FMN1: variants seen among roughly 807,000 people sequenced by gnomAD.
FMN1 encodes formin 1, also known as formin-1.
FMN1 carries 110 observed loss-of-function variants against 132.4 expected under a neutral mutation model. The observed-to-expected ratio is 0.83, with a 90% CI of 0.71 to 0.97. The LOEUF (loss-of-function observed/expected upper bound fraction) is 0.97, where lower values mean the gene tolerates loss of function less well. Ranked by LOEUF, FMN1 falls within the 50% of genes least tolerant of loss-of-function variation. The pLI is 0.00. For synonymous variants in FMN1, 722 were observed against 651.7 expected, an observed-to-expected ratio of 1.11 and a Z score of -1.64; for missense variants, 1,792 against 1,705.3, an observed-to-expected ratio of 1.05 and a Z score of -0.90.
At chr15:33,026,038 A>C (rs1194066431) in intron 6 of FMN1, among the ~76,000 whole-genome samples, 1 of 152,106 alleles carries the variant, frequency 6.6e-6, no homozygotes, top group Non-Finnish European at 1.5e-5. Context: ...CTCAAAACTT[A>C]CACTGTGACA....
chr15:33,039,991 G>T (rs972907680), intron 6 of FMN1, among the ~76,000 whole-genome samples: 19 of 152,098 alleles, frequency 1.2e-4, no homozygotes, highest in African/African-American at 4.6e-4. Context: ...AAACCTTTCA[G>T]TGGCTCCCCC....
intron 15 of FMN1, among the ~76,000 whole-genome samples, chr15:32,892,515 T>G (rs2141527650): frequency 6.6e-6 from 1 of 152,242 alleles, no homozygotes. Context: ...CGGTCTGTAG[T>G]TTTCGTTTTT....
At chr15:32,917,896 C>T (rs2060723048) in intron 10 of FMN1, among the ~76,000 whole-genome samples, 1 of 152,174 alleles carries the variant, frequency 6.6e-6, no homozygotes, top group Non-Finnish European at 1.5e-5. Context: ...GTGGGAAGCA[C>T]ATACAGCCCA....
At chr15:33,005,028 A>G (rs1485805127) in intron 7 of FMN1, among the ~76,000 whole-genome samples, 3 of 152,088 alleles carry the variant, frequency 2.0e-5, no homozygotes, top group Admixed American at 6.6e-5. Flanking sequence ...ATCACACACC[A>G]GGGACTGTTG....
chr15:33,182,915 T>C (rs1381701640), intron 2 of FMN1, among the ~76,000 whole-genome samples: 1 of 152,230 alleles, frequency 6.6e-6, no homozygotes, highest in Non-Finnish European at 1.5e-5. Flanking sequence ...TTTCATTTAA[T>C]TTCCCCATTG....
At chr15:33,156,391 C>T (rs1261565549) in intron 3 of FMN1, among the ~76,000 whole-genome samples, 1 of 151,236 alleles carries the variant, frequency 6.6e-6, no homozygotes, top group African/African-American at 2.4e-5. Context: ...AGTGATCCTC[C>T]TGCCTCAGCC....
chr15:33,122,444 G>A (rs1009503050), intron 4 of FMN1, among the ~76,000 whole-genome samples: 1 of 152,156 alleles, frequency 6.6e-6, no homozygotes, highest in African/African-American at 2.4e-5. Flanking sequence ...AATTAGTATT[G>A]GCTTTAGACA....
At chr15:33,040,156 C>G (rs961510169) in intron 6 of FMN1, among the ~76,000 whole-genome samples, 1 of 152,210 alleles carries the variant, frequency 6.6e-6, no homozygotes, top group Admixed American at 6.5e-5. Flanking sequence ...ACAAGTGCTA[C>G]TCTGTCTTTG....
intron 17 of FMN1, among the ~76,000 whole-genome samples, chr15:32,826,480 T>C (rs1356529471): frequency 6.6e-6 from 1 of 152,082 alleles, no homozygotes; most frequent in African/African-American, 2.4e-5. Context: ...TGTCATCAGA[T>C]CAAACCAAAG....
At chr15:32,929,985 T>G (rs916951316) in intron 9 of FMN1, among the ~76,000 whole-genome samples, 3 of 91,280 alleles carry the variant, frequency 3.3e-5, no homozygotes, top group Non-Finnish European at 6.8e-5. Context: ...TTTTAAATTT[T>G]TTTTTTTTTT....
chr15:33,108,295 T>C (rs185620771), intron 4 of FMN1, among the ~76,000 whole-genome samples: 51 of 152,182 alleles, frequency 3.4e-4, no homozygotes, highest in African/African-American at 1.2e-3. Flanking sequence ...GGTAAAAGTT[T>C]TGATGGAGGG....
At chr15:33,192,795 C>G (rs1051002909) in intron 2 of FMN1, among the ~76,000 whole-genome samples, 1 of 152,166 alleles carries the variant, frequency 6.6e-6, no homozygotes, top group African/African-American at 2.4e-5. Context: ...TTATTAATAG[C>G]AGTTACTATA....
At chr15:32,876,943 T>A (rs537592457) in intron 16 of FMN1, among the ~76,000 whole-genome samples, 2 of 92,244 alleles carry the variant, frequency 2.2e-5, no homozygotes, top group African/African-American at 7.0e-5. Flanking sequence ...TTTTGGCCAA[T>A]TTTTTTCCAT....
intron 12 of FMN1, among the ~76,000 whole-genome samples, chr15:32,904,974 T>G (rs2060386399): frequency 6.6e-6 from 1 of 152,228 alleles, no homozygotes; most frequent in African/African-American, 2.4e-5. Context: ...TTGGTACTTC[T>G]GAATATTTAT....
rs1220028947 is a variant in FMN1, at chr15:32,949,968, C to CAT, written c.3138+14138_3138+14139insAT. 2.5e-4 allele frequency among the ~76,000 whole-genome samples: 10 copies of CAT among 40,570 alleles called. 1 individual carries two copies. Among genetic ancestry groups the CAT allele is most frequent in the African/African-American group, 1.4e-3 (5 of 3,696 alleles). The allele number at this position is 40,570 out of a possible 152,430, so 26.6% of individuals were successfully genotyped here. ...ATATATATATATATATATATATACA[C>CAT]ACATATATATACACACACATATATA... is the stretch of plus-strand genomic sequence containing the variant. On this transcript the variant is annotated intron_variant, in intron 9 of 20. Coordinates refer to ENST00000616417, the MANE Select transcript of FMN1 (RefSeq NM_001277313.2).
intron 17 of FMN1, among the ~76,000 whole-genome samples, chr15:32,805,317 T>C (rs2057640221): frequency 6.6e-6 from 1 of 152,248 alleles, no homozygotes; most frequent in African/African-American, 2.4e-5. Flanking sequence ...TTTTGAGAAG[T>C]GTCTGTTCAT....
At position 33,117,240 on chromosome 15, in the gene FMN1, TG is replaced by T. The variant is rs2039963234; in HGVS notation, c.1868-28267del. 2.0e-5 allele frequency among the ~76,000 whole-genome samples: 3 copies of T among 152,318 alleles called. No individual in the cohort carries two copies. In the South Asian group the frequency reaches 6.2e-4, roughly 32 times the overall value. ...GAAAACAAATCCAGGGTGCCACTGC[TG>T]GAAGTTATACGCCCTCAGATTCTGG... On this transcript the variant is annotated intron_variant, in intron 4 of 20. Transcript: ENST00000616417.
chr15:33,174,028 A>C (rs931723866), intron 3 of FMN1, among the ~76,000 whole-genome samples: 10 of 152,166 alleles, frequency 6.6e-5, no homozygotes, highest in African/African-American at 2.4e-4. Flanking sequence ...GAAAGAACTA[A>C]GGTTCAATAT....
intron 15 of FMN1, among the ~76,000 whole-genome samples, chr15:32,894,992 T>C (rs916282521): frequency 6.6e-6 from 1 of 152,226 alleles, no homozygotes. Flanking sequence ...GAGTATATTA[T>C]TCCAGTGTGT....
Sources: gnomAD v4.1 joint callset for allele counts (sites outside exome capture counted in the v4.1 genomes callset) on GRCh38, gnomAD v4.1.1 for gene constraint, MANE v1.5 for transcripts, NCBI Gene and HGNC (gene_info 2026-07-23, HGNC 2026-07-21) for gene names.